The following YTHDC2 variants were observed in gnomAD, a reference collection of about 807,000 sequenced individuals.
YTHDC2 encodes 3'-5' RNA helicase YTHDC2.
Under a neutral mutation model 174.9 loss-of-function variants are expected in YTHDC2, and 45 were observed. The ratio of observed to expected loss-of-function variants is 0.26; its 90% confidence interval spans 0.20 to 0.33. The LOEUF (loss-of-function observed/expected upper bound fraction) is 0.33. Ranked by LOEUF, YTHDC2 falls within the 10% of genes least tolerant of loss-of-function variation. The pLI is 1.00. For missense variants in YTHDC2, 1,650 were observed against 1,723.7 expected (o/e 0.96, Z 0.76); for synonymous variants, 657 against 574.5 (o/e 1.14, Z -2.05).
intron 10 of YTHDC2, among the ~76,000 whole-genome samples, chr5:113,545,108 T>G (rs1775765799): frequency 6.6e-6 from 1 of 152,196 alleles, no homozygotes; most frequent in African/African-American, 2.4e-5. Flanking sequence ...TAAAAAATTC[T>G]AATTGTTATC....
chr5:113,536,569 G>A (rs7730557), intron 7 of YTHDC2, among the ~76,000 whole-genome samples: 50,217 of 152,034 alleles, frequency 0.33, 10,238 homozygotes, highest in African/African-American at 0.56. Flanking sequence ...GTTTACTTCA[G>A]TGAAATAATA....
intron 23 of YTHDC2, among the ~76,000 whole-genome samples, chr5:113,569,646 A>G (rs1206427411): frequency 2.6e-5 from 4 of 152,118 alleles, no homozygotes; most frequent in Non-Finnish European, 5.9e-5. Flanking sequence ...TAAAAATCAG[A>G]CGGTTGTAAG....
Position 113,565,881 on chromosome 5 carries a change from C to G in YTHDC2, c.2716-12C>G. ...AAATGTGTCTTGTTATGCAATTATT[C>G]TCTTTTTATAGGCCTGGCAAAAAGC... On this transcript the variant is annotated splice_polypyrimidine_tract_variant and intron_variant, in intron 20 of 29. Transcript: ENST00000161863. 1 of 1,608,574 alleles carries G rather than the reference C, an allele frequency of 6.2e-7. No homozygotes were observed. The highest frequency in any genetic ancestry group is 8.5e-7 in the Non-Finnish European group (1 of 1,178,068).
chr5:113,538,882 G>T (rs1049578256), intron 7 of YTHDC2, among the ~76,000 whole-genome samples, 192 bp from the exon 8 acceptor site: 1 of 152,102 alleles, frequency 6.6e-6, no homozygotes, highest in Non-Finnish European at 1.5e-5. Flanking sequence ...AAAAACCCAA[G>T]CACACAAACA....
In YTHDC2 at chr5:113,561,134, C is replaced by G; in HGVS notation, c.2271C>G (p.Phe757Leu). Residue 757 changes from phenylalanine to leucine, a missense_variant, in exon 18 of 30, where the codon TTC becomes TTG. Around this residue, in one of 5 missense-constraint regions of YTHDC2, gnomAD observed 913 missense variants for 940.4 expected, o/e 0.97. Coordinates refer to ENST00000161863, the MANE Select transcript of YTHDC2 (RefSeq NM_022828.5). ...ICFRLFSRLR[F>L]QNMLEFQTPE... ...TTCGTCTGTTCAGTAGACTCCGATTCCAGAATATGTTGGAATTTCAGACTC... is the reference window on the plus strand; with the variant it reads ...TTCGTCTGTTCAGTAGACTCCGATTGCAGAATATGTTGGAATTTCAGACTC... 6.2e-7 allele frequency: 1 copy of G among 1,612,736 alleles called. No individual in the cohort carries two copies. The highest frequency in any genetic ancestry group is 8.5e-7 in the Non-Finnish European group (1 of 1,179,220).
In YTHDC2 at chr5:113,592,029, G is replaced by A. The variant is rs1201888813; in HGVS notation, c.4063G>A (p.Glu1355Lys). The change falls in exon 28 of 30, where the codon GAA (glutamate) becomes AAA (lysine). Residue 1355 changes from glutamate (E) to lysine (K), a missense_variant. Around this residue, in one of 5 missense-constraint regions of YTHDC2, gnomAD observed 913 missense variants for 940.4 expected, o/e 0.97. Transcript: ENST00000161863. ...TAGGATGTCTTCTGAGATTGGAAGG[G>A]AAAAGAGTCAGGACTGGGGCTCTGC... ...FSRMSSEIGR[E>K]KSQDWGSAGL... 6.2e-7 allele frequency: 1 copy of A among 1,610,836 alleles called. No homozygotes were observed. The highest frequency in any genetic ancestry group is 1.3e-5 in the African/African-American group (1 of 74,734).
intron 4 of YTHDC2, 93 bp downstream of exon 4, chr5:113,526,878 T>C (rs912203523): frequency 3.2e-6 from 1 of 310,206 alleles, no homozygotes; most frequent in Non-Finnish European, 5.3e-6. Flanking sequence ...ATATCAAATT[T>C]ACACTGCATA....
chr5:113,543,207 G>A (rs1775607344), intron 10 of YTHDC2, among the ~76,000 whole-genome samples: 1 of 152,122 alleles, frequency 6.6e-6, no homozygotes, highest in African/African-American at 2.4e-5. Flanking sequence ...CCAGTTGGAT[G>A]TCTGTTAGGT....
chr5:113,555,335 A>T (rs1401708560), intron 16 of YTHDC2, among the ~76,000 whole-genome samples: 1 of 125,128 alleles, frequency 8.0e-6, no homozygotes, highest in Non-Finnish European at 1.9e-5. Context: ...ACTATTATGC[A>T]AACATTTTTA....
At chr5:113,559,715 A>G (rs1776834981) in intron 17 of YTHDC2, among the ~76,000 whole-genome samples, 1 of 152,212 alleles carries the variant, frequency 6.6e-6, no homozygotes, top group Admixed American at 6.5e-5. Flanking sequence ...TTCTAGATCA[A>G]CTGCAGACAA....
At chr5:113,515,605 C>T (rs907475851) in intron 2 of YTHDC2, among the ~76,000 whole-genome samples, 3 of 151,922 alleles carry the variant, frequency 2.0e-5, no homozygotes, top group African/African-American at 7.3e-5. Context: ...TTCTTCTACC[C>T]AGCTTAGGTT....
chr5:113,593,204 T>G, intron 28 of YTHDC2, 99 bp from the exon 29 acceptor site: 1 of 800,912 alleles, frequency 1.2e-6, no homozygotes, highest in Non-Finnish European at 2.0e-6. Context: ...AAATGAAATT[T>G]AAAGTGATTT....
intron 12 of YTHDC2, among the ~76,000 whole-genome samples, chr5:113,550,886 G>A (rs978773611): frequency 2.6e-5 from 4 of 152,100 alleles, no homozygotes; most frequent in Admixed American, 2.6e-4. Context: ...AATAAATTAT[G>A]AAGCTTTCAG....
At chr5:113,576,351 A>C (rs776830720) in intron 23 of YTHDC2, among the ~76,000 whole-genome samples, 2 of 152,194 alleles carry the variant, frequency 1.3e-5, no homozygotes, top group Non-Finnish European at 2.9e-5. Context: ...TTAAGTTTGT[A>C]TGAAGAGAGT....
intron 23 of YTHDC2, among the ~76,000 whole-genome samples, chr5:113,570,362 A>G (rs1248125950): frequency 6.6e-6 from 1 of 152,150 alleles, no homozygotes; most frequent in Non-Finnish European, 1.5e-5. Context: ...TTGGCCTCCC[A>G]AAGTGCTGCA....
chr5:113,533,764 T>G (rs556085053), intron 5 of YTHDC2, among the ~76,000 whole-genome samples: 20 of 152,140 alleles, frequency 1.3e-4, no homozygotes, highest in Admixed American at 3.3e-4. Flanking sequence ...AAATCCAAGA[T>G]GCTAAAAAAT....
At chr5:113,590,086 G>A (rs1482040795) in intron 26 of YTHDC2, among the ~76,000 whole-genome samples, 1 of 152,120 alleles carries the variant, frequency 6.6e-6, no homozygotes, top group African/African-American at 2.4e-5. Context: ...GTCTCAAGAT[G>A]ACAACAGTAT....
rs765929573 is a variant in YTHDC2, at chr5:113,534,385, C to T, written c.923C>T (p.Ser308Leu). ...RTLMAGDSTL[S>L]TVTHVIVDEV... ...TTGATGGCAGGAGATAGTACGTTGT[C>T]GACTGTGACACATGTTATCGTGGTA... Residue 308 changes from serine to leucine, a missense_variant, in exon 6 of 30, where the codon TCG (serine) becomes TTG (leucine). Around this residue, in one of 5 missense-constraint regions of YTHDC2, gnomAD observed 411 missense variants for 380.6 expected, o/e 1.08. Transcript: ENST00000161863. 22 of 1,610,670 alleles carry T rather than the reference C, an allele frequency of 1.4e-5. No homozygotes were observed. Among genetic ancestry groups the T allele is most frequent in the South Asian group, 1.3e-4 (12 of 90,666 alleles).
At chr5:113,545,942 G>T (rs1168633372) in intron 10 of YTHDC2, among the ~76,000 whole-genome samples, 1 of 104,004 alleles carries the variant, frequency 9.6e-6, no homozygotes, top group Non-Finnish European at 1.8e-5. Flanking sequence ...GGGTTTCACC[G>T]TTTTAGCCGG....
Sources: gnomAD v4.1 joint callset for allele counts (sites outside exome capture counted in the v4.1 genomes callset) on GRCh38, gnomAD v4.1.1 for gene constraint, gnomAD v4.1.1 regional missense constraint, MANE v1.5 for transcripts, NCBI Gene and HGNC (gene_info 2026-07-23, HGNC 2026-07-21) for gene names.